Variants in PCMTD1 observed in about 807,000 individuals in gnomAD.
PCMTD1 encodes protein-L-isoaspartate (D-aspartate) O-methyltransferase domain containing 1.
PCMTD1 carries 12 observed loss-of-function variants against 37.6 expected under a neutral mutation model. The observed-to-expected ratio is 0.32, with a 90% CI of 0.20 to 0.52. PCMTD1 has a LOEUF of 0.52. PCMTD1 is among the 20% of genes least tolerant of loss of function. The pLI, the probability that PCMTD1 is intolerant of heterozygous loss-of-function variation, is 0.97. For missense variants in PCMTD1, 235 were observed against 421.3 expected (o/e 0.56, Z 3.87); for synonymous variants, 117 against 135.8 (o/e 0.86, Z 0.96).
intron 5 of PCMTD1, among the ~76,000 whole-genome samples, chr8:51,821,762 G>T (rs1335907152): frequency 6.6e-6 from 1 of 151,290 alleles, no homozygotes; most frequent in Non-Finnish European, 1.5e-5. Context: ...TTTTGAGACG[G>T]AGTTTCACTC....
At chr8:51,894,051 T>C (rs908868605) in intron 1 of PCMTD1, among the ~76,000 whole-genome samples, 2 of 152,148 alleles carry the variant, frequency 1.3e-5, no homozygotes, top group South Asian at 4.1e-4. Flanking sequence ...AACAGCTGTA[T>C]GAATGTGCAG....
intron 2 of PCMTD1, among the ~76,000 whole-genome samples, chr8:51,857,664 G>C (rs1273940613): frequency 6.6e-6 from 1 of 151,984 alleles, no homozygotes; most frequent in Non-Finnish European, 1.5e-5. Flanking sequence ...CTTAGTTCAG[G>C]GAAAATATTT....
intron 1 of PCMTD1, among the ~76,000 whole-genome samples, chr8:51,892,973 G>A (rs2038956536): frequency 6.6e-6 from 1 of 152,156 alleles, no homozygotes; most frequent in African/African-American, 2.4e-5. Flanking sequence ...CTTAAAATTT[G>A]CAACATGTGA....
chr8:51,849,825 TTTTA>T, intron 2 of PCMTD1: 1 of 493,986 alleles, frequency 2.0e-6, no homozygotes, highest in South Asian at 3.1e-5. Flanking sequence ...TACCAATATT[TTTTA>T]TTTATGTCTA....
At chr8:51,861,767 G>A (rs1056931911) in intron 1 of PCMTD1, among the ~76,000 whole-genome samples, 2 of 151,308 alleles carry the variant, frequency 1.3e-5, no homozygotes, top group African/African-American at 2.4e-5. Context: ...TGTCACCCAG[G>A]CTGGAGTACA....
chr8:51,827,340 G>T, intron 5 of PCMTD1: 1 of 1,077,436 alleles, frequency 9.3e-7, no homozygotes, highest in Non-Finnish European at 1.3e-6. Context: ...CACGGTTTCC[G>T]CTTTCTATGG....
chr8:51,831,239 T>C (rs1220306391), intron 5 of PCMTD1, among the ~76,000 whole-genome samples: 1 of 151,102 alleles, frequency 6.6e-6, no homozygotes, highest in Non-Finnish European at 1.5e-5. Flanking sequence ...CAGACGTTGC[T>C]GTGAGCCGAC....
rs2037798216 is a variant in PCMTD1, at chr8:51,818,647, T to C, written c.*1704A>G. ...TAACAGTTTAGTAATCGTCTAAGAA[T>C]AATTGTAGAAATAACCCCAATTCCA... On this transcript the variant is annotated 3_prime_UTR_variant, in exon 6 of 6. Coordinates refer to ENST00000522514, the MANE Select transcript of PCMTD1 (RefSeq NM_052937.4). The C allele has an allele frequency of 6.6e-6, 1 of 152,342 alleles. No individual in the cohort carries two copies. 9.4% of individuals were successfully genotyped at this position (152,342 alleles called of 1,614,324 possible). A position where few individuals can be genotyped will look rare whatever the true frequency, so the allele number is the denominator to read the frequency against.
At chr8:51,867,956 A>C (rs923999404) in intron 1 of PCMTD1, among the ~76,000 whole-genome samples, 4 of 152,170 alleles carry the variant, frequency 2.6e-5, no homozygotes, top group African/African-American at 9.7e-5. Flanking sequence ...TTGCTGAAAC[A>C]ATTATTGCTG....
chr8:51,830,952 A>G (rs2037988613), intron 5 of PCMTD1, among the ~76,000 whole-genome samples: 1 of 152,070 alleles, frequency 6.6e-6, no homozygotes, highest in African/African-American at 2.4e-5. Flanking sequence ...TGTTTCCATG[A>G]AGGTAGCTAA....
chr8:51,839,197 T>C (rs1050262093), intron 3 of PCMTD1, among the ~76,000 whole-genome samples: 4 of 151,648 alleles, frequency 2.6e-5, no homozygotes, highest in African/African-American at 9.7e-5. Context: ...GAAAAAAAAA[T>C]CAACAGTCCT....
intron 1 of PCMTD1, among the ~76,000 whole-genome samples, chr8:51,882,748 G>A (rs989910301): frequency 1.3e-5 from 2 of 150,554 alleles, no homozygotes; most frequent in African/African-American, 4.9e-5. Flanking sequence ...GCCTGTTTGG[G>A]GTATTATATT....
chr8:51,831,624 C>G, intron 4 of PCMTD1, 57 bp from the exon 5 acceptor site: 6 of 1,530,948 alleles, frequency 3.9e-6, no homozygotes, highest in Non-Finnish European at 3.5e-6. Context: ...AATGTGGTCA[C>G]CTTACAGTCA....
rs1487314916 is a variant in PCMTD1, at chr8:51,818,850, A to G, written c.*1501T>C. 1 of 152,320 alleles carries G rather than the reference A, an allele frequency of 6.6e-6. No homozygotes were observed. Among genetic ancestry groups the G allele is most frequent in the Admixed American group, 6.5e-5 (1 of 15,294 alleles). 9.4% of individuals were successfully genotyped at this position (152,320 alleles called of 1,614,324 possible). The stretch of plus-strand genomic sequence containing the variant: ...TGAAACAATATCTGAATCTTAGCAG[A>G]GAGATAATAATCCTTTCACTATACA... On this transcript the variant is annotated 3_prime_UTR_variant, in exon 6 of 6. Coordinates refer to ENST00000522514, the MANE Select transcript of PCMTD1 (RefSeq NM_052937.4).
intron 1 of PCMTD1, among the ~76,000 whole-genome samples, chr8:51,893,941 C>T (rs2038967969): frequency 6.6e-6 from 1 of 152,158 alleles, no homozygotes; most frequent in South Asian, 2.1e-4. Flanking sequence ...ACACAAGGAA[C>T]AGTAAGACAT....
At chr8:51,858,595 T>C (rs1299069774) in intron 2 of PCMTD1, among the ~76,000 whole-genome samples, 1 of 152,182 alleles carries the variant, frequency 6.6e-6, no homozygotes, top group East Asian at 1.9e-4. Flanking sequence ...AGGGTAAAGA[T>C]AAAGCTTCCT....
chr8:51,828,903 T>C (rs2037960204), intron 5 of PCMTD1, among the ~76,000 whole-genome samples: 2 of 152,208 alleles, frequency 1.3e-5, no homozygotes, highest in African/African-American at 4.8e-5. Context: ...TTCAACACAG[T>C]AACCTCATGT....
At chr8:51,867,881 T>C (rs1400852043) in intron 1 of PCMTD1, among the ~76,000 whole-genome samples, 5 of 151,982 alleles carry the variant, frequency 3.3e-5, no homozygotes, top group Non-Finnish European at 7.4e-5. Flanking sequence ...ACAGGAGAAA[T>C]ACGCTTTAGT....
intron 1 of PCMTD1, among the ~76,000 whole-genome samples, chr8:51,882,858 T>C (rs1197080342): frequency 6.7e-6 from 1 of 149,084 alleles, no homozygotes; most frequent in Non-Finnish European, 1.5e-5. Context: ...CCGGACGCAG[T>C]GGCTCACACC....
Sources: gnomAD v4.1 joint callset for allele counts (sites outside exome capture counted in the v4.1 genomes callset) on GRCh38, gnomAD v4.1.1 for gene constraint, MANE v1.5 for transcripts, NCBI Gene and HGNC (gene_info 2026-07-23, HGNC 2026-07-21) for gene names.